UHRF1: variants seen among roughly 807,000 people sequenced by gnomAD.
UHRF1 encodes the protein E3 ubiquitin-protein ligase UHRF1.
UHRF1 carries 9 observed loss-of-function variants against 96.5 expected under a neutral mutation model. That is an observed-to-expected ratio of 0.09 (90% CI 0.06 to 0.16). The LOEUF is 0.16. UHRF1 is among the 10% of genes least tolerant of loss of function. The probability of loss-of-function intolerance (pLI) is 1.00; values close to 1 mark genes in which losing one functional copy is unlikely to be tolerated. For missense variants in UHRF1, 626 were observed against 1,131.1 expected (o/e 0.55, Z 6.40); for synonymous variants, 455 against 469.9 (o/e 0.97, Z 0.41).
At chr19:4,925,793 A>G (rs1384264619) in intron 2 of UHRF1, among the ~76,000 whole-genome samples, 2 of 152,130 alleles carry the variant, frequency 1.3e-5, no homozygotes, top group Non-Finnish European at 2.9e-5. Flanking sequence ...AAGTGCTGGG[A>G]TGACAGGCGT....
intron 11 of UHRF1, among the ~76,000 whole-genome samples, chr19:4,950,073 G>A (rs1196823646): frequency 3.4e-5 from 5 of 146,890 alleles, no homozygotes; most frequent in Non-Finnish European, 5.9e-5. Context: ...GTTTTGCCAC[G>A]TTGGCCAGGC....
intron 9 of UHRF1, among the ~76,000 whole-genome samples, chr19:4,944,872 G>C (rs1177761520): frequency 6.6e-6 from 1 of 152,220 alleles, no homozygotes; most frequent in Non-Finnish European, 1.5e-5. Flanking sequence ...ATTGGAGCCA[G>C]ATGGTTCTCT....
chr19:4,909,556 C>T lies in UHRF1; in HGVS notation c.-110C>T, dbSNP rs1365413050. 4.6e-6 allele frequency: 3 copies of T among 658,260 alleles called. No homozygotes were observed. Among genetic ancestry groups the T allele is most frequent in the Middle Eastern group, 2.4e-4 (1 of 4,188 alleles). The allele number at this position is 658,260 out of a possible 1,614,324, so 40.8% of individuals were successfully genotyped here. A position where few individuals can be genotyped will look rare whatever the true frequency, so the allele number is the denominator to read the frequency against. On this transcript the variant is annotated 5_prime_UTR_variant, in exon 1 of 17. It adds an upstream start codon to the 5' untranslated region. Coordinates refer to ENST00000650932, the MANE Select transcript of UHRF1 (RefSeq NM_001048201.3). Reference sequence around the variant, plus strand: ...TGCCGAGCGGGCGCTCCGGGTCGCACGCAAGTCCGCGCGGGGTCCGGGCCA... The same window carrying T: ...TGCCGAGCGGGCGCTCCGGGTCGCATGCAAGTCCGCGCGGGGTCCGGGCCA...
intron 7 of UHRF1, 113 bp from the exon 8 acceptor site, chr19:4,944,019 T>G: frequency 6.7e-7 from 1 of 1,492,784 alleles, no homozygotes; most frequent in Non-Finnish European, 9.0e-7. Context: ...CAGGGCAGGA[T>G]GGTAGTGGTG....
At chr19:4,911,794 G>A (rs2032288310) in intron 2 of UHRF1, among the ~76,000 whole-genome samples, 1 of 152,182 alleles carries the variant, frequency 6.6e-6, no homozygotes, top group Admixed American at 6.6e-5. Context: ...CTGGGAGTGG[G>A]GTTTCCCGGC....
chr19:4,926,605 T>A (rs1371909297), intron 2 of UHRF1, among the ~76,000 whole-genome samples: 1 of 151,868 alleles, frequency 6.6e-6, no homozygotes, highest in Non-Finnish European at 1.5e-5. Flanking sequence ...AGACCTCATC[T>A]CTAAAAAAAA....
chr19:4,944,280 C>T lies in UHRF1; in HGVS notation c.1197+25C>T, dbSNP rs759155510. 3.7e-6 allele frequency: 6 copies of T among 1,613,944 alleles called. No individual in the cohort carries two copies. In the South Asian group the frequency reaches 6.6e-5, roughly 18 times the overall value. ...GGTGAGGCGGGTCCTTCCCACGTGC[C>T]CGTGGCCCCTCCCCGCCTGCCAGGG... On this transcript the variant is annotated intron_variant, in intron 8 of 16. Coordinates refer to ENST00000650932, the MANE Select transcript of UHRF1 (RefSeq NM_001048201.3).
intron 10 of UHRF1, among the ~76,000 whole-genome samples, chr19:4,946,689 G>A (rs2033575913): frequency 1.3e-5 from 2 of 151,274 alleles, no homozygotes; most frequent in Admixed American, 6.6e-5. Flanking sequence ...ATCCTCCCAT[G>A]TCAGCCTCCC....
rs1386659937 is a variant in UHRF1 at position 4,954,722 on chromosome 19, C to T, written c.2030C>T (p.Thr677Met). 9.9e-6 allele frequency: 16 copies of T among 1,613,638 alleles called. No homozygotes were observed. Among genetic ancestry groups the T allele is most frequent in the African/African-American group, 2.7e-5 (2 of 74,902 alleles). The change falls in exon 15 of 17, where the codon ACG (threonine) becomes ATG (methionine). Residue 677 changes from threonine (T) to methionine (M), a missense_variant. Physicochemically the swap from Thr to Met is moderately conservative, Grantham distance 81. Coordinates refer to ENST00000650932, the MANE Select transcript of UHRF1 (RefSeq NM_001048201.3). The surrounding 1 kb of genome is among the most constrained non-coding windows in gnomAD (Gnocchi z 5.9). The stretch of plus-strand genomic sequence containing the variant: ...ACCAAGGTGGAGCCCTACAGTCTCA[C>T]GGCCCAGCAGAGCAGCCTCATCAGA... ...KKTKVEPYSL[T>M]AQQSSLIRED... is the part of the protein sequence containing the mutation.
Position 4,945,969 on chromosome 19 carries a change from A to AGT in UHRF1, c.1410+14_1410+15dup, listed in dbSNP as rs372344883. 67 of 889,100 alleles carry AGT rather than the reference A, an allele frequency of 7.5e-5. 3 individuals carry two copies. The highest frequency in any genetic ancestry group is 3.6e-4 in the Admixed American group (15 of 42,110). 55.1% of individuals were successfully genotyped at this position (889,100 alleles called of 1,614,324 possible). On this transcript the variant is annotated splice_donor_region_variant and intron_variant, in intron 10 of 16. Coordinates refer to ENST00000650932, the MANE Select transcript of UHRF1 (RefSeq NM_001048201.3). ...GGGGGGCTATGAGGATGATGTGGTG[A>AGT]GTGTGTGTGTGGGAGGGGTGGGGGA...
At chr19:4,915,424 A>C (rs188921790) in intron 2 of UHRF1, among the ~76,000 whole-genome samples, 21 of 152,326 alleles carry the variant, frequency 1.4e-4, no homozygotes, top group African/African-American at 5.1e-4. Context: ...ATTTATAAAA[A>C]CAGGTATGGC....
intron 5 of UHRF1, among the ~76,000 whole-genome samples, chr19:4,938,651 C>T (rs2033286063): frequency 6.6e-6 from 1 of 150,880 alleles, no homozygotes; most frequent in Admixed American, 6.7e-5. Flanking sequence ...TCAGGTGATC[C>T]ACTCGTCTCG....
intron 11 of UHRF1, among the ~76,000 whole-genome samples, chr19:4,950,246 A>ATT (rs202069408): frequency 4.4e-4 from 63 of 143,310 alleles, no homozygotes; most frequent in South Asian, 4.0e-3. Context: ...GAAATATTAA[A>ATT]TTTTTTTTTT....
At position 4,956,696 on chromosome 19, in the gene UHRF1, C is replaced by T. The variant is rs772149500; in HGVS notation, c.2131-13C>T. ...CCGGTGTCTTTGCCGGCCTCACACC[C>T]GCTTCCCTCTAGTTCCAGTTGTTCC... On this transcript the variant is annotated splice_polypyrimidine_tract_variant and intron_variant, in intron 15 of 16. Coordinates refer to ENST00000650932, the MANE Select transcript of UHRF1 (RefSeq NM_001048201.3). The T allele has an allele frequency of 1.9e-5, 30 of 1,589,618 alleles. No homozygotes were observed. The highest frequency in any genetic ancestry group is 4.0e-5 in the African/African-American group (3 of 74,562).
chr19:4,944,102 G>A (rs764828757), intron 7 of UHRF1, 30 bp from the exon 8 acceptor site: 9 of 1,611,896 alleles, frequency 5.6e-6, no homozygotes. Flanking sequence ...GCCAGGCTAG[G>A]CGTGGGCAGT....
At chr19:4,933,996 T>TGTGTGTGTGTGTGA (rs1274692860) in intron 5 of UHRF1, among the ~76,000 whole-genome samples, 3 of 150,454 alleles carry the variant, frequency 2.0e-5, no homozygotes, top group African/African-American at 7.3e-5. Flanking sequence ...TGTGTGTGTG[T>TGTGTGTGTGTGTGA]GATAAAATGT....
intron 5 of UHRF1, among the ~76,000 whole-genome samples, chr19:4,935,410 C>A (rs1189047644): frequency 6.6e-6 from 1 of 152,180 alleles, no homozygotes; most frequent in Non-Finnish European, 1.5e-5. Context: ...AAACCTCTTT[C>A]CTTTCTAAAT....
chr19:4,904,185 G>T (rs1568400928), intron 1 of UHRF1, among the ~76,000 whole-genome samples: 1 of 142,762 alleles, frequency 7.0e-6, no homozygotes, highest in African/African-American at 2.6e-5. Context: ...TTTTGTTTTT[G>T]TTTTTTTTTT....
intron 5 of UHRF1, among the ~76,000 whole-genome samples, chr19:4,933,697 T>C (rs1184961789): frequency 2.0e-5 from 3 of 152,168 alleles, no homozygotes; most frequent in African/African-American, 7.2e-5. Context: ...TTCATAAACA[T>C]ACACGCCAAA....
Sources: gnomAD v4.1 joint callset for allele counts (sites outside exome capture counted in the v4.1 genomes callset) on GRCh38, gnomAD v4.1.1 for gene constraint, Gnocchi (gnomAD v3.1) non-coding constraint, MANE v1.5 for transcripts, NCBI Gene and HGNC (gene_info 2026-07-23, HGNC 2026-07-21) for gene names.